The following UNC13B variants were observed in gnomAD, a reference collection of about 807,000 sequenced individuals.
UNC13B encodes protein unc-13 homolog B.
A neutral mutation model predicts 211.0 loss-of-function variants in UNC13B; 144 were observed. That is an observed-to-expected ratio of 0.68 (90% CI 0.60 to 0.78). The LOEUF (loss-of-function observed/expected upper bound fraction) is 0.78. Ranked by LOEUF, UNC13B falls within the 30% of genes least tolerant of loss-of-function variation. The pLI is 0.00. For synonymous variants in UNC13B, 709 were observed against 725.8 expected (o/e 0.98, Z 0.37); for missense variants, 1,777 against 2,002.0 (o/e 0.89, Z 2.14).
chr9:35,257,409 A>T (rs1461089754), intron 6 of UNC13B, among the ~76,000 whole-genome samples: 1 of 128,938 alleles, frequency 7.8e-6, no homozygotes, highest in Admixed American at 8.3e-5. Context: ...TATTTATATA[A>T]ATATTTATAA....
chr9:35,370,715 G>C (rs894209279), intron 13 of UNC13B, among the ~76,000 whole-genome samples: 3 of 152,200 alleles, frequency 2.0e-5, no homozygotes, highest in African/African-American at 7.2e-5. Flanking sequence ...TTGATGACCT[G>C]TAATGGAAAT....
chr9:35,254,418 C>T (rs1410533769), intron 6 of UNC13B, among the ~76,000 whole-genome samples: 2 of 152,106 alleles, frequency 1.3e-5, no homozygotes, highest in Non-Finnish European at 2.9e-5. Flanking sequence ...TCTGGAGCCT[C>T]TTTTGTAAGG....
chr9:35,185,108 T>G (rs1428508652), intron 1 of UNC13B, among the ~76,000 whole-genome samples: 1 of 152,220 alleles, frequency 6.6e-6, no homozygotes, highest in Non-Finnish European at 1.5e-5. Flanking sequence ...TTTATTTATT[T>G]ACTTTTCCTA....
rs1379565708 is a variant in UNC13B, at chr9:35,375,138, G to T, written c.9552G>T (p.Gln3184His). The change falls in exon 14 of 40, where the codon CAG becomes CAT. Residue 3184 changes from glutamine to histidine, a missense_variant. Gln to His is a conservative substitution (Grantham distance 24). Transcript: ENST00000635942. ...ATCTTCCCTGACAGTCACTGGTCCA[G>T]TCTCGGAAGGCAGGAATCACTTCTG... is the stretch of plus-strand genomic sequence containing the variant. ...LPLVSDLSLV[Q>H]SRKAGITSAM... 1 of 1,614,202 alleles carries T rather than the reference G, an allele frequency of 6.2e-7. No homozygotes were observed. Among genetic ancestry groups the T allele is most frequent in the African/African-American group, 1.3e-5 (1 of 75,070 alleles).
intron 6 of UNC13B, among the ~76,000 whole-genome samples, chr9:35,255,546 A>G (rs369602226): frequency 9.7e-4 from 147 of 152,192 alleles, no homozygotes; most frequent in African/African-American, 3.3e-3. Flanking sequence ...TTTGACAGGT[A>G]GGGGTTTGGG....
At chr9:35,376,536 T>C (rs578062752) in intron 15 of UNC13B, among the ~76,000 whole-genome samples, 1 of 152,308 alleles carries the variant, frequency 6.6e-6, no homozygotes, top group African/African-American at 2.4e-5. Context: ...CTGAGCTTTG[T>C]AGTGTATACA....
intron 1 of UNC13B, among the ~76,000 whole-genome samples, chr9:35,180,826 G>A (rs890265152): frequency 3.9e-5 from 6 of 152,166 alleles, no homozygotes; most frequent in African/African-American, 1.2e-4. Context: ...GCCAGGCAGA[G>A]TGGTTTACGC....
intron 26 of UNC13B, among the ~76,000 whole-genome samples, chr9:35,392,588 G>A (rs967386228): frequency 6.9e-6 from 1 of 145,388 alleles, no homozygotes; most frequent in Non-Finnish European, 1.5e-5. Flanking sequence ...TGGGAATTGA[G>A]CAATGAGAAC....
At chr9:35,263,788 A>G (rs1415933608) in intron 7 of UNC13B, among the ~76,000 whole-genome samples, 3 of 152,204 alleles carry the variant, frequency 2.0e-5, no homozygotes, top group Non-Finnish European at 4.4e-5. Flanking sequence ...TGCCCTCATA[A>G]GAAGAAGAGA....
chr9:35,328,672 CTTCCT>C, intron 11 of UNC13B, among the ~76,000 whole-genome samples: 1 of 139,338 alleles, frequency 7.2e-6, no homozygotes. Flanking sequence ...TCCTCCCTCC[CTTCCT>C]TCCCTTCCCT....
chr9:35,310,468 C>A lies in UNC13B; in HGVS notation c.9010C>A (p.Pro3004Thr), dbSNP rs1337127689. 5 of 1,612,184 alleles carry A rather than the reference C, an allele frequency of 3.1e-6. No individual in the cohort carries two copies. The highest frequency in any genetic ancestry group is 4.2e-6 in the Non-Finnish European group (5 of 1,178,560). ...TCTGTCTTTCTGTCATTCTCACAGC[C>A]CCACCAGCAGCAGTAGGTATGGCTC... The part of the protein sequence containing the change: ...DIKEPMTNKS[P>T]TSSSRYGSSC... The change falls in exon 10 of 40, where the codon CCC (proline) becomes ACC (threonine). Residue 3004 changes from proline to threonine, a missense_variant and splice_region_variant. By Grantham distance (38) the Pro-to-Thr change is conservative. Transcript: ENST00000635942.
chr9:35,388,309 G>A (rs1249245521), intron 24 of UNC13B, among the ~76,000 whole-genome samples: 1 of 152,154 alleles, frequency 6.6e-6, no homozygotes, highest in Admixed American at 6.5e-5. Flanking sequence ...TTGGGAAGTT[G>A]AGGCAGGAGA....
chr9:35,181,248 T>A (rs1455828838), intron 1 of UNC13B, among the ~76,000 whole-genome samples: 1 of 152,248 alleles, frequency 6.6e-6, no homozygotes, highest in Admixed American at 6.5e-5. Context: ...TAACTAATTT[T>A]AAAATCCTTT....
At chr9:35,375,941 C>T in intron 14 of UNC13B, 87 bp from the exon 15 acceptor site, 2 of 1,355,418 alleles carry the variant, frequency 1.5e-6, no homozygotes, top group South Asian at 1.2e-5. Context: ...GATCATACCA[C>T]TGCACTCCAG....
At chr9:35,316,902 A>G (rs1219160169) in intron 11 of UNC13B, among the ~76,000 whole-genome samples, 1 of 152,204 alleles carries the variant, frequency 6.6e-6, no homozygotes, top group East Asian at 1.9e-4. Flanking sequence ...AATAAGATTT[A>G]GGAAACAATT....
At chr9:35,393,357 G>C (rs1182340670) in intron 26 of UNC13B, among the ~76,000 whole-genome samples, 1 of 151,986 alleles carries the variant, frequency 6.6e-6, no homozygotes, top group East Asian at 1.9e-4. Context: ...TGACAAGAAA[G>C]GGAGACACAG....
At chr9:35,399,605 T>C in intron 35 of UNC13B, 44 bp from the exon 36 acceptor site, 2 of 1,609,084 alleles carry the variant, frequency 1.2e-6, no homozygotes, top group Non-Finnish European at 1.7e-6. Context: ...AAGACTTTCA[T>C]GACTGCTGTG....
At chr9:35,381,064 C>A (rs1006544799) in intron 18 of UNC13B, 36 bp from the exon 19 acceptor site, 1 of 1,587,078 alleles carries the variant, frequency 6.3e-7, no homozygotes, top group Non-Finnish European at 8.6e-7. Context: ...TGTCTAGTTG[C>A]ATTGGTGTCA....
rs1245633900 is a variant in UNC13B at position 35,398,574 on chromosome 9, C to T, written c.11853C>T (p.Asp3951=). The T allele has an allele frequency of 6.2e-7, 1 of 1,614,004 alleles. No homozygotes were observed. The highest frequency in any genetic ancestry group is 1.7e-5 in the Admixed American group (1 of 60,006). The change falls in exon 32 of 40, where the codon GAC becomes GAT. Residue 3951 remains aspartate (D), a synonymous_variant. Transcript: ENST00000635942. ...TACAGCTGGACCTTGAAGCTGCAGA[C>T]AGTCTGAAGGAGCTGCAGGTGAAAC... ...GGKELDLEAA[D]SLKELQVKLN...
Sources: allele counts gnomAD v4.1 joint callset (sites outside exome capture counted in the v4.1 genomes callset), GRCh38; gene constraint gnomAD v4.1.1; transcripts MANE v1.5; gene names NCBI Gene and HGNC (gene_info 2026-07-23, HGNC 2026-07-21).